The following MTNR1A variants were observed in gnomAD, a reference collection of about 807,000 sequenced individuals.
The protein encoded by MTNR1A is melatonin receptor 1A.
Under a neutral mutation model 5.5 loss-of-function variants are expected in MTNR1A, and 7 were observed. The observed-to-expected ratio is 1.28, with a 90% confidence interval of 0.73 to 2.40. The LOEUF is 2.40. MTNR1A is among the 30% of genes most tolerant of loss of function. MTNR1A has a pLI of 0.00. For missense variants in MTNR1A, 441 were observed against 464.4 expected, an observed-to-expected ratio of 0.95 and a Z score of 0.46; for synonymous variants, 196 against 202.7, an observed-to-expected ratio of 0.97 and a Z score of 0.28.
intron 1 of MTNR1A, 97 bp from the exon 2 acceptor site, chr4:186,534,654 G>A: frequency 6.9e-7 from 1 of 1,458,948 alleles, no homozygotes; most frequent in Non-Finnish European, 9.4e-7. Flanking sequence ...CAGCTCCGAT[G>A]ACCTGACGTC....
chr4:186,548,810 G>GAGATAT (rs1553981673), intron 1 of MTNR1A, among the ~76,000 whole-genome samples: 2 of 54,592 alleles, frequency 3.7e-5, no homozygotes, highest in Non-Finnish European at 6.8e-5. Context: ...AATCTATAAA[G>GAGATAT]ATATATATAT....
intron 1 of MTNR1A, among the ~76,000 whole-genome samples, chr4:186,541,503 ATCTAGCTGACCATTAGCCACTGC>A (rs1400011971): frequency 7.3e-5 from 11 of 151,682 alleles, no homozygotes; most frequent in Admixed American, 1.3e-4. Context: ...TTAGCCACTG[ATCTAGCTGACCATTAGCCACTGC>A]TCTAGCTGAC....
rs778538930 is a variant in MTNR1A, at chr4:186,533,705, T to C, written c.1037A>G (p.Lys346Arg). The C allele has an allele frequency of 4.3e-6, 7 of 1,614,056 alleles. No individual in the cohort carries two copies. In the Admixed American group the frequency reaches 1.0e-4, roughly 23 times the overall value. The stretch of plus-strand genomic sequence containing the variant: ...GGTGCTTTTTTAAACGGAGTCCACC[T>C]TTACTACATTATTGTTGGTCATCAG... ...SPLMTNNNVV[K>R]VDSV The change falls in exon 2 of 2, where the codon AAG (lysine) becomes AGG (arginine). Residue 346 changes from lysine to arginine, a missense_variant. Coordinates refer to ENST00000307161, the MANE Select transcript of MTNR1A (RefSeq NM_005958.4).
chr4:186,550,196 GA>G (rs1038949385), intron 1 of MTNR1A, among the ~76,000 whole-genome samples: 3 of 152,190 alleles, frequency 2.0e-5, no homozygotes, highest in African/African-American at 7.2e-5. Flanking sequence ...GATTATTTGA[GA>G]GGGGCAGAAG....
chr4:186,554,208 A>C (rs1737323424), intron 1 of MTNR1A, among the ~76,000 whole-genome samples: 1 of 149,948 alleles, frequency 6.7e-6, no homozygotes. Context: ...TTCTCAAACT[A>C]CAAACCGTAA....
chr4:186,554,186 TTAAC>T (rs981499416), intron 1 of MTNR1A, among the ~76,000 whole-genome samples: 31 of 151,990 alleles, frequency 2.0e-4, no homozygotes, highest in Middle Eastern at 3.4e-3. Flanking sequence ...TACTAAGTGC[TTAAC>T]TAACTAATTC....
intron 1 of MTNR1A, among the ~76,000 whole-genome samples, chr4:186,546,385 C>T (rs1283498328): frequency 1.3e-5 from 2 of 151,910 alleles, no homozygotes; most frequent in Non-Finnish European, 2.9e-5. Flanking sequence ...ACACACGGCT[C>T]TCCACAGCAC....
At chr4:186,554,933 C>T (rs748577373) in intron 1 of MTNR1A, among the ~76,000 whole-genome samples, 10 of 152,230 alleles carry the variant, frequency 6.6e-5, no homozygotes, top group African/African-American at 9.7e-5. Context: ...GACAACCAGA[C>T]GGGGGTGTCC....
At chr4:186,545,546 C>G (rs1737122036) in intron 1 of MTNR1A, among the ~76,000 whole-genome samples, 1 of 152,080 alleles carries the variant, frequency 6.6e-6, no homozygotes, top group African/African-American at 2.4e-5. Context: ...CTGAACTACT[C>G]CCTCAGAAAA....
At chr4:186,554,142 T>G (rs1409050599) in intron 1 of MTNR1A, among the ~76,000 whole-genome samples, 2 of 152,118 alleles carry the variant, frequency 1.3e-5, no homozygotes, top group African/African-American at 4.8e-5. Context: ...CGAAGTGAGC[T>G]TATTCAATTT....
intron 1 of MTNR1A, among the ~76,000 whole-genome samples, chr4:186,542,267 G>A (rs1436961128): frequency 6.6e-6 from 1 of 152,154 alleles, no homozygotes; most frequent in Non-Finnish European, 1.5e-5. Context: ...GGTTTGTTCT[G>A]GCTGGAACAG....
chr4:186,535,390 A>AG (rs34724406), intron 1 of MTNR1A, among the ~76,000 whole-genome samples: 1 of 88,270 alleles, frequency 1.1e-5, no homozygotes, highest in Non-Finnish European at 2.3e-5. Flanking sequence ...TTAATTACAG[A>AG]AAAAAAAAAC....
chr4:186,543,157 T>C (rs1737064119), intron 1 of MTNR1A, among the ~76,000 whole-genome samples: 1 of 152,208 alleles, frequency 6.6e-6, no homozygotes, highest in African/African-American at 2.4e-5. Context: ...CTCCTCATTC[T>C]AGTGAATCCA....
chr4:186,536,795 T>C (rs1465000680), intron 1 of MTNR1A, among the ~76,000 whole-genome samples: 1 of 152,232 alleles, frequency 6.6e-6, no homozygotes, highest in Non-Finnish European at 1.5e-5. Context: ...CAAAGGCAAA[T>C]TTATTTTCCC....
Position 186,555,334 on chromosome 4 carries a change from G to GA in MTNR1A, c.31_32insT (p.Ala11ValfsTer80), listed in dbSNP as rs1737349367. ...GTCCCCGCGGAGCACGGGCTGGGAGGCGTTGGGCAGCGCGCTGCCGTTGCC... is the reference window on the plus strand; with the variant it reads ...GTCCCCGCGGAGCACGGGCTGGGAGGACGTTGGGCAGCGCGCTGCCGTTGCC... On this transcript the variant is annotated frameshift_variant, in exon 1 of 2. Coordinates refer to ENST00000307161, the MANE Select transcript of MTNR1A (RefSeq NM_005958.4). LOFTEE classifies it high-confidence loss of function. This position sits in a 1 kb window ranked among gnomAD's most constrained non-coding sequence, Gnocchi z 4.1. The GA allele has an allele frequency of 6.5e-7, 1 of 1,543,404 alleles. No homozygotes were observed. Among genetic ancestry groups the GA allele is most frequent in the Non-Finnish European group, 8.7e-7 (1 of 1,144,086 alleles).
At chr4:186,548,005 T>C (rs77335496) in intron 1 of MTNR1A, among the ~76,000 whole-genome samples, 1,796 of 152,306 alleles carry the variant, frequency 0.012, 35 homozygotes, top group African/African-American at 0.04. Context: ...CACCCTTAAA[T>C]GGAAGACGAA....
chr4:186,553,168 C>T (rs1648038373), intron 1 of MTNR1A, among the ~76,000 whole-genome samples: 1 of 152,218 alleles, frequency 6.6e-6, no homozygotes, highest in East Asian at 1.9e-4. Context: ...ATTAATTTAG[C>T]TGAAATGAGA....
chr4:186,538,452 C>T (rs1204440536), intron 1 of MTNR1A, among the ~76,000 whole-genome samples: 2 of 152,138 alleles, frequency 1.3e-5, no homozygotes, highest in East Asian at 1.9e-4. Context: ...CTCGGCACTC[C>T]GAGTCTCATC....
intron 1 of MTNR1A, among the ~76,000 whole-genome samples, chr4:186,544,823 G>T (rs1408655847): frequency 1.3e-5 from 2 of 152,152 alleles, no homozygotes; most frequent in Non-Finnish European, 2.9e-5. Flanking sequence ...GACGCTGCTG[G>T]CGCATTTCTC....
Sources: gnomAD v4.1 joint callset for allele counts (sites outside exome capture counted in the v4.1 genomes callset) on GRCh38, gnomAD v4.1.1 for gene constraint, Gnocchi (gnomAD v3.1) non-coding constraint, MANE v1.5 for transcripts, NCBI Gene and HGNC (gene_info 2026-07-23, HGNC 2026-07-21) for gene names.